Variants in RTN4RL1 observed in about 807,000 individuals in gnomAD.
RTN4RL1 encodes reticulon 4 receptor like 1, also known as reticulon-4 receptor-like 1.
A neutral mutation model predicts 25.6 loss-of-function variants in RTN4RL1; 7 were observed. The ratio of observed to expected loss-of-function variants is 0.27; its 90% CI spans 0.16 to 0.51. The LOEUF (loss-of-function observed/expected upper bound fraction) is 0.51, where lower values mean the gene tolerates loss of function less well. Ranked by LOEUF, RTN4RL1 falls within the 20% of genes least tolerant of loss-of-function variation. The probability of loss-of-function intolerance (pLI) is 0.97; values close to 1 mark genes in which losing one functional copy is unlikely to be tolerated. For missense variants in RTN4RL1, 500 were observed against 615.6 expected (o/e 0.81, Z 1.99); for synonymous variants, 297 against 288.2 (o/e 1.03, Z -0.31).
chr17:1,987,483 A>T (rs1416598022), intron 1 of RTN4RL1, among the ~76,000 whole-genome samples: 1 of 152,134 alleles, frequency 6.6e-6, no homozygotes, highest in Non-Finnish European at 1.5e-5. Context: ...CCACGTCCGG[A>T]GACACCATGG....
At chr17:1,952,586 A>G (rs958228726) in intron 1 of RTN4RL1, among the ~76,000 whole-genome samples, 1 of 149,788 alleles carries the variant, frequency 6.7e-6, no homozygotes, top group Non-Finnish European at 1.5e-5. Flanking sequence ...CTCGTGATCC[A>G]CCCGCCTCAG....
intron 1 of RTN4RL1, among the ~76,000 whole-genome samples, chr17:1,979,252 G>A (rs2066856554): frequency 1.3e-5 from 2 of 152,150 alleles, no homozygotes; most frequent in South Asian, 2.1e-4. Context: ...CAGCCTGGGC[G>A]ACAGAGCCAG....
Position 1,936,580 on chromosome 17 carries a change from G to T in RTN4RL1, c.1242C>A (p.Ser414Arg). ...TGGCCGAGGAGGCCTGCTGCACCCCGCTGGGGGCACGGATGGGGGTCCTGC... is the reference window on the plus strand; with the variant it reads ...TGGCCGAGGAGGCCTGCTGCACCCCTCTGGGGGCACGGATGGGGGTCCTGC... ...CARRTPIRAPSGVQQASSASS... is the reference protein window; with the variant it reads ...CARRTPIRAPRGVQQASSASS... The change falls in exon 2 of 2, where the codon AGC (serine) becomes AGA (arginine). Residue 414 changes from serine to arginine, a missense_variant. By Grantham distance (110) the Ser-to-Arg change is moderately radical. Transcript: ENST00000331238. The T allele has an allele frequency of 6.4e-7, 1 of 1,572,952 alleles. No individual in the cohort carries two copies.
At chr17:1,969,685 A>G (rs2066809513) in intron 1 of RTN4RL1, among the ~76,000 whole-genome samples, 1 of 152,198 alleles carries the variant, frequency 6.6e-6, no homozygotes, top group African/African-American at 2.4e-5. Context: ...CTCCCTTGCT[A>G]TAAAAGCTCT....
intron 1 of RTN4RL1, among the ~76,000 whole-genome samples, chr17:2,004,505 G>A (rs2066980768): frequency 6.6e-6 from 1 of 152,072 alleles, no homozygotes; most frequent in Non-Finnish European, 1.5e-5. Context: ...AGACAAGGAA[G>A]AAGTGGCCGC....
At chr17:1,955,826 C>T (rs541332177) in intron 1 of RTN4RL1, among the ~76,000 whole-genome samples, 5 of 151,630 alleles carry the variant, frequency 3.3e-5, no homozygotes, top group East Asian at 2.0e-4. Flanking sequence ...TCAAGTGATC[C>T]GCCCGCCTCA....
intron 1 of RTN4RL1, among the ~76,000 whole-genome samples, chr17:1,954,767 C>T (rs1185616536): frequency 1.3e-5 from 2 of 152,194 alleles, no homozygotes; most frequent in Non-Finnish European, 2.9e-5. Context: ...TAGAGGTCAT[C>T]CTGCTGTCTG....
At chr17:1,975,912 C>G (rs2066840893) in intron 1 of RTN4RL1, among the ~76,000 whole-genome samples, 1 of 152,128 alleles carries the variant, frequency 6.6e-6, no homozygotes, top group African/African-American at 2.4e-5. Context: ...CCCCTGAGAC[C>G]AGAAATAAAT....
chr17:1,937,721 G>T lies in RTN4RL1; in HGVS notation c.101C>A (p.Ala34Glu). ...CGCCTGGCAGCTGACCGTCATGGGC[G>T]CCGGGTAGCACACACAGTCCCGTGG... ...GCPRDCVCYP[A>E]PMTVSCQAHN... Residue 34 changes from alanine (A) to glutamate (E), a missense_variant, in exon 2 of 2, where the codon GCG (alanine) becomes GAG (glutamate). By Grantham distance (107) the Ala-to-Glu change is moderately radical. Coordinates refer to ENST00000331238, the MANE Select transcript of RTN4RL1 (RefSeq NM_178568.4). 6 of 1,611,460 alleles carry T rather than the reference G, an allele frequency of 3.7e-6. No homozygotes were observed. The highest frequency in any genetic ancestry group is 5.1e-6 in the Non-Finnish European group (6 of 1,179,764).
At chr17:1,944,167 G>T (rs1186198253) in intron 1 of RTN4RL1, among the ~76,000 whole-genome samples, 1 of 150,890 alleles carries the variant, frequency 6.6e-6, no homozygotes, top group African/African-American at 2.4e-5. Context: ...TCGGCCTCCC[G>T]AAGTGCTGGG....
chr17:2,021,934 C>T (rs887324072), intron 1 of RTN4RL1, among the ~76,000 whole-genome samples: 2 of 149,662 alleles, frequency 1.3e-5, no homozygotes, highest in Non-Finnish European at 3.0e-5. Context: ...TCTCGGCCCA[C>T]TGCAGCCCCC....
intron 1 of RTN4RL1, among the ~76,000 whole-genome samples, chr17:2,023,844 C>T (rs1253300179): frequency 6.6e-6 from 1 of 152,344 alleles, no homozygotes; most frequent in East Asian, 1.9e-4. Flanking sequence ...GCTACCTGAG[C>T]TCCCGCCTCA....
At chr17:2,021,527 G>A (rs2151331830) in intron 1 of RTN4RL1, among the ~76,000 whole-genome samples, 1 of 145,076 alleles carries the variant, frequency 6.9e-6, no homozygotes, top group South Asian at 2.3e-4. Flanking sequence ...AAAACAGCAA[G>A]AACTATTTAA....
intron 1 of RTN4RL1, among the ~76,000 whole-genome samples, chr17:2,015,534 A>G (rs2067109479): frequency 6.6e-6 from 1 of 152,146 alleles, no homozygotes; most frequent in African/African-American, 2.4e-5. Context: ...GACGGCCGAG[A>G]GGGGCAGCCG....
intron 1 of RTN4RL1, among the ~76,000 whole-genome samples, chr17:1,995,196 C>T (rs1041127250): frequency 1.3e-5 from 2 of 152,142 alleles, no homozygotes; most frequent in South Asian, 2.1e-4. Context: ...GAGGCCAAGG[C>T]GGGTGGATCA....
chr17:1,945,274 GTGC>G (rs1915513507), intron 1 of RTN4RL1, among the ~76,000 whole-genome samples: 4 of 152,320 alleles, frequency 2.6e-5, no homozygotes, highest in South Asian at 2.1e-4. Context: ...CCAGGCTGGA[GTGC>G]AGTGGCACGA....
At position 2,024,963 on chromosome 17, in the gene RTN4RL1, G is replaced by T; in HGVS notation, c.-98C>A. ...GGCGCCAGCTGCAGCTAATCCGAGC[G>T]CGTCGAGGCGGGGGCAAGCCGGGGA... On this transcript the variant is annotated 5_prime_UTR_variant, in exon 1 of 2. Coordinates refer to ENST00000331238, the MANE Select transcript of RTN4RL1 (RefSeq NM_178568.4). 1 of 1,336,598 alleles carries T rather than the reference G, an allele frequency of 7.5e-7. No individual in the cohort carries two copies. Among genetic ancestry groups the T allele is most frequent in the Non-Finnish European group, 1.0e-6 (1 of 972,990 alleles). The allele number at this position is 1,336,598 out of a possible 1,614,324, so 82.8% of individuals were successfully genotyped here. A position where few individuals can be genotyped will look rare whatever the true frequency, so the allele number is the denominator to read the frequency against.
rs145103919 is a variant in RTN4RL1 at position 2,007,301 on chromosome 17, G to A, written c.13+17552C>T. Among the ~76,000 whole-genome samples the A allele has an allele frequency of 3.4e-5, 5 of 147,850 alleles. No individual in the cohort carries two copies. In the East Asian group the frequency reaches 8.0e-4, roughly 24 times the overall value. The stretch of plus-strand genomic sequence containing the variant: ...TTCCTCCTCTGGATCACCCACAGTC[G>A]GCTGCACTGCAGACCTAGGCCATGT... On this transcript the variant is annotated intron_variant, in intron 1 of 1. Transcript: ENST00000331238.
Position 1,980,157 on chromosome 17 carries a change from A to G in RTN4RL1, c.14-42349T>C, listed in dbSNP as rs1456167485. ...CGGCTCACCAAAGCCTTGACCTCCC[A>G]GGCTCAGGTGATCCTCCCACCTCAG... On this transcript the variant is annotated intron_variant, in intron 1 of 1. Coordinates refer to ENST00000331238, the MANE Select transcript of RTN4RL1 (RefSeq NM_178568.4). Among the ~76,000 whole-genome samples, 337 of 148,764 alleles carry G rather than the reference A, an allele frequency of 2.3e-3. 2 individuals are homozygous for G. The highest frequency in any genetic ancestry group is 8.1e-3 in the African/African-American group (315 of 38,786).
Sources: gnomAD v4.1 joint callset for allele counts (sites outside exome capture counted in the v4.1 genomes callset) on GRCh38, gnomAD v4.1.1 for gene constraint, MANE v1.5 for transcripts, NCBI Gene and HGNC (gene_info 2026-07-23, HGNC 2026-07-21) for gene names.